Variants in TEAD1 observed in about 807,000 individuals in gnomAD.
TEAD1 encodes transcriptional enhancer factor TEF-1.
A neutral mutation model predicts 54.9 loss-of-function variants in TEAD1; 9 were observed. The ratio of observed to expected loss-of-function variants is 0.16; its 90% CI spans 0.10 to 0.29. The LOEUF is 0.29. TEAD1 is among the 10% of genes least tolerant of loss of function. The pLI, the probability that TEAD1 is intolerant of heterozygous loss-of-function variation, is 1.00. For synonymous variants in TEAD1, 200 were observed against 187.8 expected, an observed-to-expected ratio of 1.07 and a Z score of -0.53; for missense variants, 387 against 535.9, an observed-to-expected ratio of 0.72 and a Z score of 2.74.
At chr11:12,914,714 G>C (rs980682307) in intron 10 of TEAD1, among the ~76,000 whole-genome samples, 2 of 152,264 alleles carry the variant, frequency 1.3e-5, no homozygotes, top group African/African-American at 4.8e-5. Context: ...GCCCATGGCA[G>C]TGCTGCCTCT....
intron 3 of TEAD1, among the ~76,000 whole-genome samples, chr11:12,842,715 C>G (rs1564960135): frequency 1.3e-5 from 2 of 152,092 alleles, no homozygotes; most frequent in African/African-American, 4.8e-5. Flanking sequence ...CTGCCTTGTC[C>G]AATAAGTGAA....
chr11:12,860,956 C>T (rs140445101), intron 3 of TEAD1, among the ~76,000 whole-genome samples: 7 of 152,288 alleles, frequency 4.6e-5, no homozygotes, highest in Middle Eastern at 3.4e-3. Flanking sequence ...TGGTCTCAGG[C>T]TGGTGAAGCA....
intron 2 of TEAD1, among the ~76,000 whole-genome samples, chr11:12,696,711 AGTTT>A (rs1466966265): frequency 2.6e-5 from 4 of 152,094 alleles, no homozygotes; most frequent in Admixed American, 2.0e-4. Flanking sequence ...TTGGCCGACT[AGTTT>A]GTTGGGAAAT....
chr11:12,770,236 TG>T (rs1330258112), intron 3 of TEAD1, among the ~76,000 whole-genome samples: 1 of 152,054 alleles, frequency 6.6e-6, no homozygotes, highest in Non-Finnish European at 1.5e-5. Context: ...GCTTAATGTG[TG>T]GGGGGTATGC....
chr11:12,782,009 G>A (rs1356591964), intron 3 of TEAD1, among the ~76,000 whole-genome samples: 2 of 147,962 alleles, frequency 1.4e-5, no homozygotes, highest in East Asian at 3.9e-4. Flanking sequence ...AATTAGCCAA[G>A]CGTGGTAGTG....
rs1359447224 is a variant in TEAD1 at position 12,937,257 on chromosome 11, A to T, written c.*35A>T. ...TTTATATATATAGATATCTGTATAT[A>T]CACACACACATATGTGCACACACAC... On this transcript the variant is annotated 3_prime_UTR_variant, in exon 13 of 13. Coordinates refer to ENST00000527636, the MANE Select transcript of TEAD1 (RefSeq NM_021961.6). The T allele has an allele frequency of 7.3e-7, 1 of 1,372,094 alleles. No homozygotes were observed. Among genetic ancestry groups the T allele is most frequent in the South Asian group, 1.2e-5 (1 of 84,434 alleles). 85.0% of individuals were successfully genotyped at this position (1,372,094 alleles called of 1,614,324 possible).
chr11:12,783,011 A>T (rs1413324567), intron 3 of TEAD1, among the ~76,000 whole-genome samples: 3 of 152,094 alleles, frequency 2.0e-5, no homozygotes, highest in African/African-American at 7.2e-5. Flanking sequence ...GTCACTAAAC[A>T]GTATCTTCTT....
At chr11:12,676,884 C>T (rs1943104676) in intron 2 of TEAD1, among the ~76,000 whole-genome samples, 1 of 152,100 alleles carries the variant, frequency 6.6e-6, no homozygotes, top group Non-Finnish European at 1.5e-5. Flanking sequence ...ATATCCATTA[C>T]GGGTTCTTGC....
intron 2 of TEAD1, among the ~76,000 whole-genome samples, chr11:12,761,203 T>C (rs1945096439): frequency 6.6e-6 from 1 of 152,222 alleles, no homozygotes; most frequent in Non-Finnish European, 1.5e-5. Flanking sequence ...TTGTGATTCA[T>C]ACCTATAGAA....
chr11:12,721,315 C>T (rs1564918144), intron 2 of TEAD1, among the ~76,000 whole-genome samples: 1 of 152,258 alleles, frequency 6.6e-6, no homozygotes, highest in South Asian at 2.1e-4. Flanking sequence ...GGTTCAGGAG[C>T]ACCACATTTT....
chr11:12,686,089 GTTTGCCTGGTATAA>G, intron 2 of TEAD1, among the ~76,000 whole-genome samples: 1 of 152,116 alleles, frequency 6.6e-6, no homozygotes, highest in African/African-American at 2.4e-5. Context: ...CTGAGTACCT[GTTTGCCTGGTATAA>G]TCCTGGTTTA....
intron 2 of TEAD1, among the ~76,000 whole-genome samples, chr11:12,682,710 G>T (rs1943247896): frequency 6.6e-6 from 1 of 152,144 alleles, no homozygotes; most frequent in Admixed American, 6.5e-5. Context: ...GGGTGCTACT[G>T]TGTGCCAGGG....
intron 5 of TEAD1, among the ~76,000 whole-genome samples, chr11:12,874,804 A>G (rs1947822337): frequency 6.6e-6 from 1 of 152,100 alleles, no homozygotes; most frequent in African/African-American, 2.4e-5. Flanking sequence ...ATTGCAGGTC[A>G]TGGGCTTGGG....
intron 5 of TEAD1, among the ~76,000 whole-genome samples, chr11:12,871,839 G>C (rs1389751839): frequency 6.6e-6 from 1 of 152,140 alleles, no homozygotes; most frequent in Admixed American, 6.5e-5. Flanking sequence ...ATACATCTTA[G>C]GCAGTAGATG....
intron 12 of TEAD1, among the ~76,000 whole-genome samples, chr11:12,935,518 G>A (rs1490054520): frequency 6.6e-6 from 1 of 151,950 alleles, no homozygotes; most frequent in African/African-American, 2.4e-5. Context: ...AAAGTGCAGT[G>A]GTGCAATCTT....
At chr11:12,711,228 G>A (rs988887352) in intron 2 of TEAD1, among the ~76,000 whole-genome samples, 2 of 152,172 alleles carry the variant, frequency 1.3e-5, no homozygotes, top group African/African-American at 4.8e-5. Context: ...TGATCAGGCC[G>A]TGGAAGAGAG....
chr11:12,776,337 A>G (rs545788968), intron 3 of TEAD1, among the ~76,000 whole-genome samples: 1 of 152,284 alleles, frequency 6.6e-6, no homozygotes, highest in South Asian at 2.1e-4. Flanking sequence ...CGCAAATAGA[A>G]TGAACGGGAT....
At chr11:12,811,589 C>G (rs1946300998) in intron 3 of TEAD1, among the ~76,000 whole-genome samples, 1 of 152,256 alleles carries the variant, frequency 6.6e-6, no homozygotes, top group South Asian at 2.1e-4. Flanking sequence ...GATCCTCATG[C>G]TAAGGCAGAA....
intron 2 of TEAD1, among the ~76,000 whole-genome samples, chr11:12,692,797 C>T (rs961517398): frequency 1.3e-5 from 2 of 152,192 alleles, no homozygotes; most frequent in African/African-American, 4.8e-5. Flanking sequence ...GAGCCACTGA[C>T]GTCATGTCAG....
Sources: allele counts gnomAD v4.1 joint callset (sites outside exome capture counted in the v4.1 genomes callset), GRCh38; gene constraint gnomAD v4.1.1; transcripts MANE v1.5; gene names NCBI Gene and HGNC (gene_info 2026-07-23, HGNC 2026-07-21).